Variants in BTD observed in about 807,000 individuals in gnomAD.
The protein encoded by BTD is biotinidase, also known as biocytinase.
Under a neutral mutation model 17.7 loss-of-function variants are expected in BTD, and 13 were observed. The observed-to-expected ratio is 0.74, with a 90% CI of 0.48 to 1.17. The LOEUF (loss-of-function observed/expected upper bound fraction) is 1.17, where lower values mean the gene tolerates loss of function less well. BTD is among the 50% of genes most tolerant of loss of function. BTD has a pLI of 0.00. For missense variants in BTD, 674 were observed against 650.4 expected (o/e 1.04, Z -0.39); for synonymous variants, 240 against 245.2 (o/e 0.98, Z 0.20).
intron 3 of BTD, among the ~76,000 whole-genome samples, chr3:15,671,332 G>A (rs574921447): frequency 6.6e-6 from 1 of 152,156 alleles, no homozygotes; most frequent in Non-Finnish European, 1.5e-5. Context: ...CGGAGCGGGA[G>A]AGAAGTGATA....
Position 15,644,309 on chromosome 3 carries a change from C to G in BTD, c.400-7C>G. ...ACCTCATTTATTTACACCTTTTTTT[C>G]CTCTAGGTGCTCCAGCGCCTGAGTT... is the stretch of plus-strand genomic sequence containing the variant. On this transcript the variant is annotated splice_polypyrimidine_tract_variant and splice_region_variant and intron_variant, in intron 3 of 3. Coordinates refer to ENST00000643237, the MANE Select transcript of BTD (RefSeq NM_001370658.1). 6.2e-7 allele frequency: 1 copy of G among 1,611,810 alleles called. No individual in the cohort carries two copies. Among genetic ancestry groups the G allele is most frequent in the East Asian group, 2.2e-5 (1 of 44,844 alleles).
At chr3:15,710,932 G>T (rs192494002) in exon 4 of BTD, among the ~76,000 whole-genome samples, 2 of 152,040 alleles carry the variant, frequency 1.3e-5, no homozygotes, top group African/African-American at 4.8e-5. Flanking sequence ...ACTTTTTAAA[G>T]AAATAGTTTT....
chr3:15,708,181 G>C (rs2071725145), intron 3 of BTD: 1 of 1,182,312 alleles, frequency 8.5e-7, no homozygotes, highest in African/African-American at 1.5e-5. Context: ...GTGAGACTTA[G>C]ACTACCATAT....
intron 1 of BTD, among the ~76,000 whole-genome samples, chr3:15,604,763 CA>C (rs1195786887): frequency 6.6e-6 from 1 of 152,228 alleles, no homozygotes; most frequent in Non-Finnish European, 1.5e-5. Context: ...ATCTCTAGGA[CA>C]GGGGCAAAAT....
At chr3:15,685,528 AC>A in intron 3 of BTD, 1 of 1,230,940 alleles carries the variant, frequency 8.1e-7, no homozygotes, top group Non-Finnish European at 1.2e-6. Flanking sequence ...AACTTTAAAG[AC>A]CATACTCTCC....
At position 15,602,034 on chromosome 3, in the gene BTD, CT is replaced by C. The variant is rs1427360235; in HGVS notation, c.-17+141del. The C allele has an allele frequency of 2.7e-6, 4 of 1,488,674 alleles. No homozygotes were observed. The East Asian group carries it at 9.6e-5, about 36-fold the overall frequency. The allele number at this position is 1,488,674 out of a possible 1,614,324, so 92.2% of individuals were successfully genotyped here. A position where few individuals can be genotyped will look rare whatever the true frequency, so the allele number is the denominator to read the frequency against. ...TGGGAAGCCCGGCGCGCGTCGTTTG[CT>C]GGGGCTGTTTGTGCGTTGCTGCTGT... On this transcript the variant is annotated intron_variant, in intron 1 of 3. Coordinates refer to ENST00000643237, the MANE Select transcript of BTD (RefSeq NM_001370658.1).
intron 3 of BTD, among the ~76,000 whole-genome samples, chr3:15,698,711 C>T (rs527692619): frequency 6.6e-6 from 1 of 152,264 alleles, no homozygotes; most frequent in African/African-American, 2.4e-5. Context: ...TCAGGCAGAA[C>T]TACAAACCAC....
intron 3 of BTD, chr3:15,707,940 A>T: frequency 6.2e-7 from 1 of 1,613,296 alleles, no homozygotes; most frequent in Non-Finnish European, 8.5e-7. Context: ...TCTGTGTCTG[A>T]TGTAGCTGCA....
intron 3 of BTD, chr3:15,670,399 GCTGA>G (rs765633631): frequency 1.2e-6 from 2 of 1,613,920 alleles, no homozygotes; most frequent in Non-Finnish European, 1.7e-6. Context: ...AAGCTTCAAA[GCTGA>G]CTGTTTTTGA....
At chr3:15,605,009 T>C (rs2064402558) in intron 1 of BTD, among the ~76,000 whole-genome samples, 1 of 152,214 alleles carries the variant, frequency 6.6e-6, no homozygotes, top group Admixed American at 6.5e-5. Context: ...CCTATCTTCT[T>C]CTGAGCCCTC....
intron 1 of BTD, among the ~76,000 whole-genome samples, chr3:15,614,121 C>CTTTTTT (rs1389454960): frequency 7.6e-6 from 1 of 131,724 alleles, no homozygotes; most frequent in Non-Finnish European, 1.5e-5. Flanking sequence ...CTCTTTCTTT[C>CTTTTTT]TTTCTTTTTT....
chr3:15,615,094 G>T (rs1180503901), intron 1 of BTD, among the ~76,000 whole-genome samples: 1 of 152,068 alleles, frequency 6.6e-6, no homozygotes, highest in Non-Finnish European at 1.5e-5. Context: ...TTGAGCTCTT[G>T]TTTACCTTGT....
chr3:15,627,391 T>G (rs2065092997), intron 1 of BTD, among the ~76,000 whole-genome samples: 1 of 152,170 alleles, frequency 6.6e-6, no homozygotes, highest in Non-Finnish European at 1.5e-5. Flanking sequence ...CCCAGCTAAT[T>G]AAAAAAATTT....
At chr3:15,678,159 T>A (rs1295846643) in intron 3 of BTD, 1 of 1,525,552 alleles carries the variant, frequency 6.6e-7, no homozygotes, top group Non-Finnish European at 8.8e-7. Flanking sequence ...AAGTTATACA[T>A]AAGTGATACA....
rs965023 is a variant in BTD at position 15,651,944 on chromosome 3, A to G, written c.*6456A>G. 0.15 allele frequency among the ~76,000 whole-genome samples: 23,449 copies of G among 152,220 alleles called. 2,336 individuals carry two copies. Among genetic ancestry groups the G allele is most frequent in the East Asian group, 0.41 (2,099 of 5,166 alleles). ...CTCCCCACCTGCTGGTATCCGTTGT[A>G]CAACACTTCCCACATTTTTCTGGGG... is the stretch of plus-strand genomic sequence containing the variant. On this transcript the variant is annotated 3_prime_UTR_variant, in exon 4 of 4. Coordinates refer to ENST00000643237, the MANE Select transcript of BTD (RefSeq NM_001370658.1).
rs181456177 is a variant in BTD, at chr3:15,686,267, T to C, written c.400-23793T>C. 3.6e-4 allele frequency: 577 copies of C among 1,592,668 alleles called. 5 individuals carry two copies. In the South Asian group the frequency reaches 4.9e-3, roughly 13 times the overall value. ...ATCCACTGCATTCTGTGGTTCTGCA[T>C]TTCCTATTAATAGCCGTAAGCATTC... is the stretch of plus-strand genomic sequence containing the variant. On this transcript the variant is annotated intron_variant, in intron 3 of 3. Transcript: ENST00000672141.
At chr3:15,636,022 G>A (rs1481958190) in intron 2 of BTD, among the ~76,000 whole-genome samples, 1 of 152,176 alleles carries the variant, frequency 6.6e-6, no homozygotes, top group Non-Finnish European at 1.5e-5. Context: ...GTTCTCAAGT[G>A]TGGTTGTACA....
chr3:15,687,419 G>A (rs1003659373), intron 3 of BTD, among the ~76,000 whole-genome samples: 1 of 152,062 alleles, frequency 6.6e-6, no homozygotes, highest in Non-Finnish European at 1.5e-5. Flanking sequence ...ATGGGCAAGG[G>A]TACAAGTAGA....
chr3:15,605,140 C>T (rs1468207526), intron 1 of BTD, among the ~76,000 whole-genome samples: 1 of 152,190 alleles, frequency 6.6e-6, no homozygotes, highest in Non-Finnish European at 1.5e-5. Context: ...CCTTTTCATA[C>T]TGCTATGAAG....
Sources: allele counts gnomAD v4.1 joint callset (sites outside exome capture counted in the v4.1 genomes callset), GRCh38; gene constraint gnomAD v4.1.1; transcripts MANE v1.5; gene names NCBI Gene and HGNC (gene_info 2026-07-23, HGNC 2026-07-21).